Variants in PHACTR2 observed in about 807,000 individuals in gnomAD.
The protein encoded by PHACTR2 is chromosome 6 open reading frame 56.
Under a neutral mutation model 76.0 loss-of-function variants are expected in PHACTR2, and 30 were observed. That is an observed-to-expected ratio of 0.39 (90% confidence interval 0.30 to 0.54). The LOEUF (loss-of-function observed/expected upper bound fraction) is 0.54. Among genes scored for constraint, PHACTR2 ranks in the 20% least tolerant of loss-of-function variants. The pLI is 0.61. For synonymous variants in PHACTR2, 292 were observed against 292.5 expected, an observed-to-expected ratio of 1.00 and a Z score of 0.02; for missense variants, 696 against 781.1, an observed-to-expected ratio of 0.89 and a Z score of 1.30.
intron 1 of PHACTR2, among the ~76,000 whole-genome samples, chr6:143,686,631 G>A (rs959155150): frequency 3.3e-5 from 5 of 151,926 alleles, no homozygotes; most frequent in African/African-American, 9.7e-5. Context: ...GGAATTACAG[G>A]CGTGAGCCAC....
chr6:143,637,981 G>A (rs1255701435), intron 1 of PHACTR2, among the ~76,000 whole-genome samples: 1 of 152,190 alleles, frequency 6.6e-6, no homozygotes, highest in Non-Finnish European at 1.5e-5. Context: ...GTGATCATGG[G>A]GGGATCATCT....
chr6:143,548,750 A>G lies in PHACTR2; in HGVS notation c.217+11543A>G, dbSNP rs1462156572. On this transcript the variant is annotated intron_variant, in intron 1 of 11. Coordinates refer to the PHACTR2 transcript ENST00000367584. This position sits in a 1 kb window ranked among gnomAD's most constrained non-coding sequence, Gnocchi z 4.5. ...AAATTGCAGGGCTTCTGGGAAGCCT[A>G]CGTGTCACAGAGAAAAGCCTAATGT... is the stretch of plus-strand genomic sequence containing the variant. Among the ~76,000 whole-genome samples the G allele has an allele frequency of 1.3e-5, 2 of 152,072 alleles. No individual in the cohort carries two copies. The highest frequency in any genetic ancestry group is 6.6e-5 in the Admixed American group (1 of 15,258).
At chr6:143,609,215 ATTG>A (rs1383135896) in intron 1 of PHACTR2, among the ~76,000 whole-genome samples, 3 of 152,204 alleles carry the variant, frequency 2.0e-5, no homozygotes, top group Non-Finnish European at 4.4e-5. Flanking sequence ...AAGACCACCC[ATTG>A]ATGGTGAAAC....
intron 1 of PHACTR2, among the ~76,000 whole-genome samples, chr6:143,692,481 T>G (rs1015749525): frequency 1.3e-5 from 2 of 152,188 alleles, no homozygotes; most frequent in Non-Finnish European, 2.9e-5. Context: ...TTCTGTCGCT[T>G]GGAAAGTACT....
Position 143,695,161 on chromosome 6 carries a change from A to G in PHACTR2, c.47-16855A>G, listed in dbSNP as rs764452932. ...GAATTGCCTTGAGATGGCGAGATAC[A>G]AGCATTCTACAAAGGCTGCAAACAA... is the stretch of plus-strand genomic sequence containing the variant. On this transcript the variant is annotated intron_variant, in intron 1 of 12. Coordinates refer to ENST00000440869, the MANE Select transcript of PHACTR2 (RefSeq NM_001100164.2). This position sits in a 1 kb window ranked among gnomAD's most constrained non-coding sequence, Gnocchi z 4.4. 3.3e-5 allele frequency among the ~76,000 whole-genome samples: 5 copies of G among 152,194 alleles called. No homozygotes were observed. The highest frequency in any genetic ancestry group is 5.9e-5 in the Non-Finnish European group (4 of 68,040).
chr6:143,783,172 A>G lies in PHACTR2; in HGVS notation c.1646-47A>G. The G allele has an allele frequency of 2.6e-6, 3 of 1,168,448 alleles. No homozygotes were observed. The highest frequency in any genetic ancestry group is 3.8e-6 in the Non-Finnish European group (3 of 783,180). 72.4% of individuals were successfully genotyped at this position (1,168,448 alleles called of 1,614,324 possible). A position where few individuals can be genotyped will look rare whatever the true frequency, so the allele number is the denominator to read the frequency against. ...CCTGATACACTTTTCTGAATATGAA[A>G]TCATCTATAGTAACTGTCATCACGA... On this transcript the variant is annotated intron_variant, in intron 9 of 12. Transcript: ENST00000440869. This position sits in a 1 kb window ranked among gnomAD's most constrained non-coding sequence, Gnocchi z 5.2.
chr6:143,588,755 A>T (rs966331541), intron 1 of PHACTR2, among the ~76,000 whole-genome samples: 1 of 152,222 alleles, frequency 6.6e-6, no homozygotes, highest in Non-Finnish European at 1.5e-5. Flanking sequence ...ATTAGAAATA[A>T]AAAGGAACAA....
chr6:143,565,064 T>A (rs1038448498), intron 1 of PHACTR2, among the ~76,000 whole-genome samples: 2 of 152,152 alleles, frequency 1.3e-5, no homozygotes, highest in Admixed American at 1.3e-4. Context: ...GTTTCATGAA[T>A]TTTGTGGTTG....
intron 2 of PHACTR2, among the ~76,000 whole-genome samples, chr6:143,714,252 C>T (rs1020308199): frequency 2.0e-5 from 3 of 152,208 alleles, no homozygotes; most frequent in Non-Finnish European, 4.4e-5. Context: ...TTCATTTCTT[C>T]CAAGAAAAGT....
intron 1 of PHACTR2, among the ~76,000 whole-genome samples, chr6:143,584,664 A>G (rs1481720059): frequency 1.3e-5 from 2 of 152,202 alleles, no homozygotes; most frequent in Non-Finnish European, 2.9e-5. Flanking sequence ...GTAGGAAATG[A>G]GCAAATGTGT....
At position 143,546,089 on chromosome 6, in the gene PHACTR2, CAG is replaced by C. The variant is rs1177909412; in HGVS notation, c.217+8883_217+8884del. On this transcript the variant is annotated intron_variant, in intron 1 of 11. Transcript: ENST00000367584. This position sits in a 1 kb window ranked among gnomAD's most constrained non-coding sequence, Gnocchi z 4.9. ...GTGTAGTTTCGGTTACAGTGAAACT[CAG>C]GAAAAAACATTGAAGCAGCTTTAGT... 6.6e-6 allele frequency among the ~76,000 whole-genome samples: 1 copy of C among 152,118 alleles called. No individual in the cohort carries two copies. The highest frequency in any genetic ancestry group is 2.4e-5 in the African/African-American group (1 of 41,414).
rs552656490 is a variant in PHACTR2, at chr6:143,689,594, G to A, written c.46+11385G>A. Among the ~76,000 whole-genome samples, 28 of 152,070 alleles carry A rather than the reference G, an allele frequency of 1.8e-4. 1 individual carries two copies. In the South Asian group the frequency reaches 3.1e-3, roughly 17 times the overall value. ...AGCTCACAGTATGGAAACCGAACACGTAGTTCTCTTTTTTACCCTACCCCA... is the reference window on the plus strand; with the variant it reads ...AGCTCACAGTATGGAAACCGAACACATAGTTCTCTTTTTTACCCTACCCCA... On this transcript the variant is annotated intron_variant, in intron 1 of 12. Coordinates refer to ENST00000440869, the MANE Select transcript of PHACTR2 (RefSeq NM_001100164.2). The surrounding 1 kb of genome is among the most constrained non-coding windows in gnomAD (Gnocchi z 4.4).
Position 143,554,987 on chromosome 6 carries a change from A to G in PHACTR2, c.217+17780A>G, listed in dbSNP as rs3762003. 0.19 allele frequency: 29,006 copies of G among 151,728 alleles called. 2,769 individuals carry two copies. Among genetic ancestry groups the G allele is most frequent in the Middle Eastern group, 0.29 (86 of 294 alleles). 9.4% of individuals were successfully genotyped at this position (151,728 alleles called of 1,614,324 possible). On this transcript the variant is annotated intron_variant, in intron 1 of 11. Transcript: ENST00000367584. The surrounding 1 kb of genome is among the most constrained non-coding windows in gnomAD (Gnocchi z 5.9). ...TTTTTCTGCTATTTGGTTTTCTTTC[A>G]TTTTGTTCTTAGGACGTTTTGTTAC...
rs1170271195 is a variant in PHACTR2 at position 143,807,794 on chromosome 6, A to G, written c.1922+661A>G. Among the ~76,000 whole-genome samples the G allele has an allele frequency of 6.6e-6, 1 of 152,186 alleles. No homozygotes were observed. The highest frequency in any genetic ancestry group is 1.5e-5 in the Non-Finnish European group (1 of 68,038). On this transcript the variant is annotated intron_variant, in intron 12 of 12. Transcript: ENST00000440869. This position sits in a 1 kb window ranked among gnomAD's most constrained non-coding sequence, Gnocchi z 5.5. ...CTCAGTCCCTTTCGGTTTCTTTCAC[A>G]GGTTACCTAACCCGGTAACAAATAT...
intron 1 of PHACTR2, among the ~76,000 whole-genome samples, chr6:143,545,216 A>T (rs1774962494): frequency 6.6e-6 from 1 of 152,216 alleles, no homozygotes; most frequent in Non-Finnish European, 1.5e-5. Context: ...AAGTGCTGGG[A>T]TTACAAGCAT....
chr6:143,643,667 A>C (rs1776605559), intron 1 of PHACTR2, among the ~76,000 whole-genome samples: 2 of 152,228 alleles, frequency 1.3e-5, no homozygotes, highest in Non-Finnish European at 2.9e-5. Flanking sequence ...TATACAGCTC[A>C]TAAATGTTCA....
rs1006462106 is a variant in PHACTR2 at position 143,625,641 on chromosome 6, T to C, written c.13+17319T>C. The stretch of plus-strand genomic sequence containing the variant: ...AATAACTGATGAAGCTTATTAGTTC[T>C]TATTTTCTTTGTTTATCATAATTTT... On this transcript the variant is annotated intron_variant, in intron 1 of 11. Coordinates refer to the PHACTR2 transcript ENST00000305766. This position sits in a 1 kb window ranked among gnomAD's most constrained non-coding sequence, Gnocchi z 4.3. Among the ~76,000 whole-genome samples, 2 of 152,242 alleles carry C rather than the reference T, an allele frequency of 1.3e-5. No homozygotes were observed. The highest frequency in any genetic ancestry group is 4.8e-5 in the African/African-American group (2 of 41,472).
rs1407976436 is a variant in PHACTR2 at position 143,731,809 on chromosome 6, A to T, written c.215-17176A>T. Among the ~76,000 whole-genome samples, 1 of 151,170 alleles carries T rather than the reference A, an allele frequency of 6.6e-6. No individual in the cohort carries two copies. The highest frequency in any genetic ancestry group is 2.0e-4 in the East Asian group (1 of 5,118). ...TAGATTTGTTGTTATTTTCTTCTTGAAATGTTTGGTAGAATAAACAGTAAA... is the reference window on the plus strand; with the variant it reads ...TAGATTTGTTGTTATTTTCTTCTTGTAATGTTTGGTAGAATAAACAGTAAA... On this transcript the variant is annotated intron_variant, in intron 2 of 12. Coordinates refer to ENST00000440869, the MANE Select transcript of PHACTR2 (RefSeq NM_001100164.2). The surrounding 1 kb of genome is among the most constrained non-coding windows in gnomAD (Gnocchi z 4.9).
At chr6:143,813,865 G>A (rs574823150) in intron 12 of PHACTR2, among the ~76,000 whole-genome samples, 19 of 152,188 alleles carry the variant, frequency 1.2e-4, no homozygotes, top group Non-Finnish European at 2.2e-4. Flanking sequence ...CTGGGTGTTA[G>A]GGGCACTGAT....
Sources: gnomAD v4.1 joint callset for allele counts (sites outside exome capture counted in the v4.1 genomes callset) on GRCh38, gnomAD v4.1.1 for gene constraint, Gnocchi (gnomAD v3.1) non-coding constraint, MANE v1.5 for transcripts, NCBI Gene and HGNC (gene_info 2026-07-23, HGNC 2026-07-21) for gene names.